PTPRN2: variants seen among roughly 807,000 people sequenced by gnomAD.
PTPRN2 encodes receptor-type tyrosine-protein phosphatase N2.
A neutral mutation model predicts 118.8 loss-of-function variants in PTPRN2; 74 were observed. That is an observed-to-expected ratio of 0.62 (90% CI 0.52 to 0.76). PTPRN2 has a LOEUF of 0.76. PTPRN2 is among the 30% of genes least tolerant of loss of function. The probability of loss-of-function intolerance (pLI) is 0.00; values close to 1 mark genes in which losing one functional copy is unlikely to be tolerated. For missense variants in PTPRN2, 1,481 were observed against 1,394.4 expected (o/e 1.06, Z -0.99); for synonymous variants, 641 against 608.0 (o/e 1.05, Z -0.80).
At chr7:158,371,131 G>A (rs1809957118) in intron 2 of PTPRN2, among the ~76,000 whole-genome samples, 2 of 152,182 alleles carry the variant, frequency 1.3e-5, no homozygotes, top group Admixed American at 6.5e-5. Context: ...TGACTGCGCA[G>A]GGAAGAAACA....
In PTPRN2 at chr7:157,794,218, C is replaced by T. The variant is rs1470177124; in HGVS notation, c.1788+104455G>A. Among the ~76,000 whole-genome samples the T allele has an allele frequency of 6.7e-6, 1 of 148,418 alleles. No homozygotes were observed. The highest frequency in any genetic ancestry group is 2.6e-5 in the African/African-American group (1 of 38,980). ...GGATCACACCTCCGACCCGGGCTCACACCTCCCCTCGTTCTCTGCTCCGAC... is the reference window on the plus strand; with the variant it reads ...GGATCACACCTCCGACCCGGGCTCATACCTCCCCTCGTTCTCTGCTCCGAC... On this transcript the variant is annotated intron_variant, in intron 12 of 22. Coordinates refer to ENST00000389418, the MANE Select transcript of PTPRN2 (RefSeq NM_002847.5). This position sits in a 1 kb window ranked among gnomAD's most constrained non-coding sequence, Gnocchi z 5.2.
chr7:158,082,924 C>T (rs1213613586), intron 10 of PTPRN2, among the ~76,000 whole-genome samples: 1 of 152,202 alleles, frequency 6.6e-6, no homozygotes, highest in African/African-American at 2.4e-5. Flanking sequence ...TACGGTGCCT[C>T]GGCTGGGCCC....
intron 11 of PTPRN2, among the ~76,000 whole-genome samples, chr7:158,076,429 G>A (rs1043931636): frequency 2.6e-5 from 4 of 152,206 alleles, no homozygotes; most frequent in African/African-American, 4.8e-5. Flanking sequence ...GATGAGGAAC[G>A]TCTGCCGCTT....
At chr7:157,876,209 C>G (rs548003869) in intron 12 of PTPRN2, among the ~76,000 whole-genome samples, 2 of 152,328 alleles carry the variant, frequency 1.3e-5, no homozygotes, top group East Asian at 3.9e-4. Context: ...CATCCAAGCC[C>G]TGTTTTTGTG....
At chr7:157,966,385 C>T (rs1021015668) in intron 11 of PTPRN2, among the ~76,000 whole-genome samples, 1 of 152,020 alleles carries the variant, frequency 6.6e-6, no homozygotes, top group African/African-American at 2.4e-5. Context: ...TCATTACCAT[C>T]ATCTTCATCA....
chr7:157,817,528 C>T (rs1200290405), intron 12 of PTPRN2, among the ~76,000 whole-genome samples: 3 of 152,180 alleles, frequency 2.0e-5, no homozygotes, highest in African/African-American at 7.2e-5. Flanking sequence ...TCCAGTCCTC[C>T]CCACGTCCTC....
chr7:157,675,235 C>T (rs1306034499), intron 13 of PTPRN2, among the ~76,000 whole-genome samples: 1 of 152,338 alleles, frequency 6.6e-6, no homozygotes, highest in Non-Finnish European at 1.5e-5. Context: ...GCAGGGTTCC[C>T]GCTGAGCTGG....
At chr7:158,111,992 A>G (rs757877426) in intron 9 of PTPRN2, among the ~76,000 whole-genome samples, 42 of 152,176 alleles carry the variant, frequency 2.8e-4, no homozygotes, top group Non-Finnish European at 5.1e-4. Flanking sequence ...TCGCAAAGAC[A>G]TGGGGAGAAA....
intron 1 of PTPRN2, among the ~76,000 whole-genome samples, chr7:158,540,154 G>A (rs1291561564): frequency 1.3e-5 from 2 of 152,190 alleles, no homozygotes; most frequent in Non-Finnish European, 2.9e-5. Context: ...CAGGGACCGG[G>A]TCCCATGCCC....
chr7:158,518,947 T>C (rs547567500), intron 1 of PTPRN2, among the ~76,000 whole-genome samples: 2 of 152,160 alleles, frequency 1.3e-5, no homozygotes, highest in Non-Finnish European at 2.9e-5. Context: ...ATTACGCCAC[T>C]GCACTCCAGC....
intron 6 of PTPRN2, among the ~76,000 whole-genome samples, chr7:158,151,516 A>C (rs903077463): frequency 0.066 from 646 of 9,812 alleles, 11 homozygotes; most frequent in Admixed American, 0.094. Context: ...TCTGCTCCTC[A>C]CCGCACGTCC....
intron 2 of PTPRN2, among the ~76,000 whole-genome samples, chr7:158,319,959 A>ACACT (rs1457888460): frequency 4.8e-5 from 3 of 62,630 alleles, no homozygotes; most frequent in East Asian, 4.9e-4. Flanking sequence ...TCCCTCACAC[A>ACACT]CACACAGCCT....
At position 157,611,304 on chromosome 7, in the gene PTPRN2, C is replaced by A. The variant is rs566920010; in HGVS notation, c.2345-7229G>T. ...CCTGGGGCAGGTGGACTAGAAGGAG[C>A]CTCAAGCCCTGGGGGATTCCCATAC... On this transcript the variant is annotated intron_variant, in intron 15 of 22. Coordinates refer to ENST00000389418, the MANE Select transcript of PTPRN2 (RefSeq NM_002847.5). The surrounding 1 kb of genome is among the most constrained non-coding windows in gnomAD (Gnocchi z 5.9). 6.6e-6 allele frequency among the ~76,000 whole-genome samples: 1 copy of A among 152,284 alleles called. No homozygotes were observed. Among genetic ancestry groups the A allele is most frequent in the South Asian group, 2.1e-4 (1 of 4,824 alleles).
chr7:157,793,281 G>T (rs2151080217), intron 12 of PTPRN2, among the ~76,000 whole-genome samples: 1 of 152,306 alleles, frequency 6.6e-6, no homozygotes, highest in South Asian at 2.1e-4. Flanking sequence ...TTTTCTAAAG[G>T]TGTTTCATTA....
intron 1 of PTPRN2, among the ~76,000 whole-genome samples, chr7:158,522,426 A>ACTGTCCGGGTAGTGGCTCGGGAGGG: frequency 7.3e-6 from 1 of 136,850 alleles, no homozygotes; most frequent in Admixed American, 7.1e-5. Flanking sequence ...GCTCAGGGGG[A>ACTGTCCGGGTAGTGGCTCGGGAGGG]AGGTCCACAT....
rs1039676890 is a variant in PTPRN2, at chr7:158,327,950, G to GA, written c.164-11019dup. On this transcript the variant is annotated intron_variant, in intron 2 of 22. Transcript: ENST00000389418. ...AGGGTCCCCAGGGGTGCAGCAACAA[G>GA]AAAAAAATCTCCCCAGCTATTTTTG... Among the ~76,000 whole-genome samples the GA allele has an allele frequency of 3.3e-5, 5 of 152,088 alleles. 1 individual carries two copies. In the East Asian group the frequency reaches 9.7e-4, roughly 29 times the overall value.
At chr7:158,263,641 C>T (rs1316372394) in intron 3 of PTPRN2, among the ~76,000 whole-genome samples, 1 of 152,228 alleles carries the variant, frequency 6.6e-6, no homozygotes, top group African/African-American at 2.4e-5. Flanking sequence ...AATTCCTCTC[C>T]CGGGCATTCC....
chr7:157,720,944 G>T (rs975314241), intron 12 of PTPRN2, among the ~76,000 whole-genome samples: 1 of 152,292 alleles, frequency 6.6e-6, no homozygotes, highest in South Asian at 2.1e-4. Flanking sequence ...GTTGAGGAAG[G>T]TCTCATTACT....
intron 3 of PTPRN2, among the ~76,000 whole-genome samples, chr7:158,255,602 G>A (rs1047215143): frequency 3.9e-5 from 1 of 25,864 alleles, no homozygotes; most frequent in African/African-American, 1.3e-4. Context: ...AGTGAGGGGT[G>A]TTGAGCCCTC....
Sources: allele counts gnomAD v4.1 joint callset (sites outside exome capture counted in the v4.1 genomes callset), GRCh38; gene constraint gnomAD v4.1.1; non-coding constraint Gnocchi (gnomAD v3.1); transcripts MANE v1.5; gene names NCBI Gene and HGNC (gene_info 2026-07-23, HGNC 2026-07-21).